Variants in MYOM1 observed in about 807,000 individuals in gnomAD.
MYOM1 encodes the protein myomesin-1.
MYOM1 carries 164 observed loss-of-function variants against 205.3 expected under a neutral mutation model. That is an observed-to-expected ratio of 0.80 (90% CI 0.70 to 0.91). The LOEUF (loss-of-function observed/expected upper bound fraction) is 0.91, where lower values mean the gene tolerates loss of function less well. Ranked by LOEUF, MYOM1 falls within the 40% of genes least tolerant of loss-of-function variation. The pLI is 0.00. For missense variants in MYOM1, 2,011 were observed against 2,127.3 expected, an observed-to-expected ratio of 0.95 and a Z score of 1.08; for synonymous variants, 772 against 789.4, an observed-to-expected ratio of 0.98 and a Z score of 0.37.
intron 22 of MYOM1, among the ~76,000 whole-genome samples, chr18:3,103,210 G>A (rs1478441913): frequency 6.6e-6 from 1 of 152,190 alleles, no homozygotes; most frequent in Non-Finnish European, 1.5e-5. Flanking sequence ...GAAATATATG[G>A]ATGCCTGCTC....
At chr18:3,154,663 T>C (rs375208674) in intron 11 of MYOM1, among the ~76,000 whole-genome samples, 4 of 151,628 alleles carry the variant, frequency 2.6e-5, no homozygotes, top group African/African-American at 9.7e-5. Context: ...TTATAATGGG[T>C]ATATATACCC....
chr18:3,076,018 G>A (rs754785911), intron 34 of MYOM1, among the ~76,000 whole-genome samples: 14 of 152,132 alleles, frequency 9.2e-5, no homozygotes, highest in South Asian at 2.1e-4. Context: ...CCCCTCAAAC[G>A]GAAAGGCAAA....
At chr18:3,151,978 T>C (rs568554165) in intron 11 of MYOM1, 85 bp from the exon 12 acceptor site, 10 of 1,363,074 alleles carry the variant, frequency 7.3e-6, no homozygotes, top group Non-Finnish European at 1.0e-5. Context: ...CACCCAGTTG[T>C]TTCAGATCTT....
the MYOM1 span, among the ~76,000 whole-genome samples, chr18:3,230,021 C>T: frequency 6.7e-6 from 1 of 148,212 alleles, no homozygotes; most frequent in Non-Finnish European, 1.5e-5. Flanking sequence ...TGTCTCATAG[C>T]TATCCTCAAA....
At position 3,176,114 on chromosome 18, in the gene MYOM1, A is replaced by G. The variant is rs2080636566; in HGVS notation, c.950T>C (p.Ile317Thr). 3.7e-6 allele frequency: 6 copies of G among 1,608,432 alleles called. No individual in the cohort carries two copies. The East Asian group carries it at 1.3e-4, about 36-fold the overall frequency. ...RVTWYKNQVP[I>T]NVHANPGKYI... Reference sequence around the variant, plus strand: ...CTTTCCAGGGTTTGCATGGACATTTATTGGCACCTGGTTTTTATACCTATA... The same window carrying G: ...CTTTCCAGGGTTTGCATGGACATTTGTTGGCACCTGGTTTTTATACCTATA... Residue 317 changes from isoleucine to threonine, a missense_variant, in exon 6 of 38, where the codon ATA becomes ACA. Physicochemically the swap from Ile to Thr is moderately conservative, Grantham distance 89. Coordinates refer to ENST00000356443, the MANE Select transcript of MYOM1 (RefSeq NM_003803.4).
chr18:3,068,646 T>C (rs2078925553), intron 37 of MYOM1, among the ~76,000 whole-genome samples: 1 of 152,216 alleles, frequency 6.6e-6, no homozygotes, highest in East Asian at 1.9e-4. Flanking sequence ...CTGTATAACC[T>C]TTCAGAATAA....
At chr18:3,200,566 ACT>A (rs1011275665) in intron 2 of MYOM1, among the ~76,000 whole-genome samples, 1 of 152,174 alleles carries the variant, frequency 6.6e-6, no homozygotes, top group African/African-American at 2.4e-5. Context: ...ATCAAAGGAC[ACT>A]CTGGAGTTAA....
At position 3,169,025 on chromosome 18, in the gene MYOM1, A is replaced by G. The variant is rs750290732; in HGVS notation, c.1175-44T>C. 1.4e-5 allele frequency: 21 copies of G among 1,546,716 alleles called. 1 individual carries two copies. The South Asian group carries it at 2.4e-4, about 18-fold the overall frequency. ...AATATCAGTAATTTTTTTCTTCATC[A>G]AAGAGACACAAGCATTTTAATAAGC... On this transcript the variant is annotated intron_variant, in intron 8 of 37. Coordinates refer to ENST00000356443, the MANE Select transcript of MYOM1 (RefSeq NM_003803.4).
At chr18:3,148,122 C>T (rs1371113381) in intron 13 of MYOM1, among the ~76,000 whole-genome samples, 2 of 152,154 alleles carry the variant, frequency 1.3e-5, no homozygotes, top group Admixed American at 6.5e-5. Flanking sequence ...GGAACTCTCA[C>T]GTAGGGCTGG....
intron 2 of MYOM1, among the ~76,000 whole-genome samples, chr18:3,212,362 A>C (rs2081200986): frequency 6.6e-6 from 1 of 152,236 alleles, no homozygotes; most frequent in Non-Finnish European, 1.5e-5. Flanking sequence ...CTTTATGGCC[A>C]AAATGGATAA....
chr18:3,112,059 C>G (rs1327870322), intron 22 of MYOM1, among the ~76,000 whole-genome samples: 1 of 152,088 alleles, frequency 6.6e-6, no homozygotes, highest in East Asian at 1.9e-4. Flanking sequence ...CAAGAACTTC[C>G]GGGTTTTTAG....
chr18:3,202,313 C>T (rs2081079044), intron 2 of MYOM1, among the ~76,000 whole-genome samples: 1 of 152,028 alleles, frequency 6.6e-6, no homozygotes, highest in Non-Finnish European at 1.5e-5. Context: ...AAGTGGCAGA[C>T]ATAAATACAA....
In MYOM1 at chr18:3,093,405, T is replaced by TCTAAAA. The variant is rs138985309; in HGVS notation, c.3864+764_3864+765insTTTTAG. The stretch of plus-strand genomic sequence containing the variant: ...ACAAATAAAACTTAGATGTTGTAAC[T>TCTAAAA]CTATCTACAAAAACTATGTTTATGT... On this transcript the variant is annotated intron_variant, in intron 26 of 37. Transcript: ENST00000356443. Among the ~76,000 whole-genome samples, 722 of 152,290 alleles carry TCTAAAA rather than the reference T, an allele frequency of 4.7e-3. 6 individuals carry two copies. The highest frequency in any genetic ancestry group is 0.017 in the African/African-American group (694 of 41,548).
intron 18 of MYOM1, 32 bp from the exon 19 acceptor site, chr18:3,126,929 A>C: frequency 3.8e-6 from 6 of 1,559,826 alleles, no homozygotes; most frequent in Non-Finnish European, 4.4e-6. Context: ...GTGAGTAGGC[A>C]GAAATGCATT....
chr18:3,155,678 T>C (rs1567939229), intron 10 of MYOM1, among the ~76,000 whole-genome samples: 1 of 152,256 alleles, frequency 6.6e-6, no homozygotes, highest in Admixed American at 6.5e-5. Flanking sequence ...AAAATTAATA[T>C]AGAGATGCTG....
intron 13 of MYOM1, among the ~76,000 whole-genome samples, chr18:3,146,947 A>G (rs1411180513): frequency 6.6e-6 from 1 of 150,850 alleles, no homozygotes; most frequent in African/African-American, 2.4e-5. Flanking sequence ...CAAAATCAAT[A>G]TACAAAAATC....
chr18:3,105,689 T>G (rs1242406323), intron 22 of MYOM1, among the ~76,000 whole-genome samples: 2 of 152,144 alleles, frequency 1.3e-5, no homozygotes. Context: ...ACCCTGTCTC[T>G]ATTAAAAATA....
chr18:3,089,184 A>G lies in MYOM1; in HGVS notation c.4127T>C (p.Leu1376Ser). ...TTATCTACCTCTTACCTTGCATTTC[A>G]ATAGTACATTACATTCACCAGTCAC... ...WEVTGECNVL[L>S]KCKVANIKKE... Residue 1376 changes from leucine (L) to serine (S), a missense_variant, in exon 29 of 38, where the codon TTG becomes TCG. Physicochemically the swap from Leu to Ser is moderately radical, Grantham distance 145. Coordinates refer to ENST00000356443, the MANE Select transcript of MYOM1 (RefSeq NM_003803.4). 1 of 1,609,926 alleles carries G rather than the reference A, an allele frequency of 6.2e-7. No homozygotes were observed. The highest frequency in any genetic ancestry group is 8.5e-7 in the Non-Finnish European group (1 of 1,176,996).
chr18:3,088,894 G>A (rs1005832804), intron 29 of MYOM1, among the ~76,000 whole-genome samples: 3 of 152,308 alleles, frequency 2.0e-5, no homozygotes, highest in East Asian at 3.9e-4. Flanking sequence ...AAACAAAAAC[G>A]TGAGAGTCTT....
Sources: gnomAD v4.1 joint callset for allele counts (sites outside exome capture counted in the v4.1 genomes callset) on GRCh38, gnomAD v4.1.1 for gene constraint, MANE v1.5 for transcripts, NCBI Gene and HGNC (gene_info 2026-07-23, HGNC 2026-07-21) for gene names.